Variants in POLE2 observed in about 807,000 individuals in gnomAD.
POLE2 encodes the protein DNA polymerase epsilon 2, accessory subunit, also known as DNA polymerase epsilon subunit 2.
Under a neutral mutation model 79.4 loss-of-function variants are expected in POLE2, and 56 were observed. That is an observed-to-expected ratio of 0.71 (90% CI 0.57 to 0.88). The LOEUF is 0.88. POLE2 is among the 40% of genes least tolerant of loss of function. The pLI, the probability that POLE2 is intolerant of heterozygous loss-of-function variation, is 0.00. For synonymous variants in POLE2, 212 were observed against 214.0 expected (o/e 0.99, Z 0.08); for missense variants, 598 against 638.9 (o/e 0.94, Z 0.69).
In POLE2 at chr14:49,651,275, A is replaced by C; in HGVS notation, c.1314T>G (p.Pro438=). 1.3e-6 allele frequency: 2 copies of C among 1,529,344 alleles called. No homozygotes were observed. Among genetic ancestry groups the C allele is most frequent in the Non-Finnish European group, 1.8e-6 (2 of 1,105,800 alleles). The allele number at this position is 1,529,344 out of a possible 1,614,324, so 94.7% of individuals were successfully genotyped here. A position where few individuals can be genotyped will look rare whatever the true frequency, so the allele number is the denominator to read the frequency against. The change falls in exon 16 of 19, where the codon CCT becomes CCG. Residue 438 remains proline, a synonymous_variant. Coordinates refer to ENST00000216367, the MANE Select transcript of POLE2 (RefSeq NM_002692.4). ...VRFPSSNLAI[P]NHFVKTILSQ... is the part of the protein sequence containing the mutation. ...AAAAAGTTGTTTCACTTACGTGATT[A>C]GGAATAGCCAAATTGCTGCTAGGAA...
intron 10 of POLE2, among the ~76,000 whole-genome samples, chr14:49,661,493 T>G (rs1029957559): frequency 6.6e-6 from 1 of 152,160 alleles, no homozygotes; most frequent in East Asian, 1.9e-4. Context: ...CAGAAACACC[T>G]ATTAAGCTAA....
intron 10 of POLE2, among the ~76,000 whole-genome samples, chr14:49,661,551 TA>T (rs936804234): frequency 3.2e-4 from 48 of 151,998 alleles, no homozygotes; most frequent in East Asian, 1.5e-3. Context: ...ATCTTCCGTT[TA>T]AAAAAAAATT....
intron 5 of POLE2, 97 bp from the exon 6 acceptor site, chr14:49,669,695 A>T: frequency 3.0e-6 from 2 of 668,632 alleles, no homozygotes; most frequent in Non-Finnish European, 5.4e-6. Context: ...CCTTAAACTA[A>T]TGTCACTATT....
chr14:49,676,664 T>C (rs1886297743), intron 3 of POLE2, among the ~76,000 whole-genome samples: 2 of 152,354 alleles, frequency 1.3e-5, no homozygotes, highest in South Asian at 4.1e-4. Context: ...CACTGCGCAC[T>C]GAGGCCAGGG....
intron 9 of POLE2, among the ~76,000 whole-genome samples, 173 bp from the exon 10 acceptor site, chr14:49,663,560 A>C (rs1469505059): frequency 6.6e-6 from 1 of 152,238 alleles, no homozygotes; most frequent in African/African-American, 2.4e-5. Context: ...AGAGAGTCTC[A>C]ACTTATAAAA....
At chr14:49,650,958 C>T (rs1472918391) in intron 16 of POLE2, among the ~76,000 whole-genome samples, 2 of 151,992 alleles carry the variant, frequency 1.3e-5, no homozygotes, top group East Asian at 1.9e-4. Context: ...TAAATAAGAA[C>T]AGTTTATTAA....
Position 49,655,057 on chromosome 14 carries a change from A to G in POLE2, c.966T>C (p.Cys322=), listed in dbSNP as rs1666337620. 2 of 1,576,980 alleles carry G rather than the reference A, an allele frequency of 1.3e-6. No individual in the cohort carries two copies. The highest frequency in any genetic ancestry group is 1.7e-6 in the Non-Finnish European group (2 of 1,160,258). Residue 322 remains cysteine, a synonymous_variant, in exon 12 of 19, where the codon TGT becomes TGC. Transcript: ENST00000216367. ...SPAPPTCFIL[C]GNFSSAPYGK... ...CATATGGTGCAGATGAAAAATTACC[A>G]CACAGAATAAAGCAGGTTGGAGGTG... is the stretch of plus-strand genomic sequence containing the variant.
At chr14:49,667,103 G>T (rs1032810339) in intron 6 of POLE2, among the ~76,000 whole-genome samples, 5 of 151,950 alleles carry the variant, frequency 3.3e-5, no homozygotes, top group Non-Finnish European at 7.4e-5. Context: ...CAGGAGAATG[G>T]TGTGAACCCG....
At chr14:49,653,103 G>A (rs1156628665) in intron 15 of POLE2, among the ~76,000 whole-genome samples, 5 of 152,218 alleles carry the variant, frequency 3.3e-5, no homozygotes, top group Admixed American at 2.0e-4. Flanking sequence ...CTACAGAAGA[G>A]GTTAGGGACA....
At chr14:49,648,443 G>A (rs1312419713) in intron 17 of POLE2, among the ~76,000 whole-genome samples, 1 of 152,144 alleles carries the variant, frequency 6.6e-6, no homozygotes, top group Non-Finnish European at 1.5e-5. Flanking sequence ...GCATTAACTA[G>A]GAGAATGCCC....
At chr14:49,687,055 G>A (rs1024672494) in intron 1 of POLE2, among the ~76,000 whole-genome samples, 2 of 151,978 alleles carry the variant, frequency 1.3e-5, no homozygotes, top group South Asian at 2.1e-4. Flanking sequence ...AGGCCACGGC[G>A]CGAGGACTAC....
chr14:49,649,395 C>T (rs1392850573), intron 17 of POLE2, among the ~76,000 whole-genome samples: 2 of 151,262 alleles, frequency 1.3e-5, no homozygotes, highest in Non-Finnish European at 2.9e-5. Context: ...ATCTGCCCGC[C>T]TTGGCCTCCC....
rs748469183 is a variant in POLE2 at position 49,650,445 on chromosome 14, C to A, written c.1321-4G>T. Reference sequence around the variant, plus strand: ...GGGATAAGATAGTCTTTACAAACTACAAAAGAGCACAAAACAAAGCAAACT... The same window carrying A: ...GGGATAAGATAGTCTTTACAAACTAAAAAAGAGCACAAAACAAAGCAAACT... On this transcript the variant is annotated splice_polypyrimidine_tract_variant and splice_region_variant and intron_variant, in intron 16 of 18. Transcript: ENST00000216367. The A allele has an allele frequency of 7.0e-7, 1 of 1,419,144 alleles. No homozygotes were observed. The highest frequency in any genetic ancestry group is 9.3e-7 in the Non-Finnish European group (1 of 1,074,048). 87.9% of individuals were successfully genotyped at this position (1,419,144 alleles called of 1,614,324 possible). A position where few individuals can be genotyped will look rare whatever the true frequency, so the allele number is the denominator to read the frequency against.
chr14:49,652,076 G>A (rs1376123785), intron 15 of POLE2, among the ~76,000 whole-genome samples: 1 of 151,966 alleles, frequency 6.6e-6, no homozygotes, highest in East Asian at 1.9e-4. Flanking sequence ...TTTTTCCAAT[G>A]AGGGTCCCTT....
Position 49,654,835 on chromosome 14 carries a change from G to T in POLE2, c.1022C>A (p.Ser341Tyr). Reference protein sequence around the residue: ...GKNQVQALKDSLKTLADIICE... With the variant: ...GKNQVQALKDYLKTLADIICE... ...TATTATATCTGCCAAAGTTTTTAGG[G>T]AATCTAAAATTTTAAAAAGGTATTG... The change falls in exon 13 of 19, where the codon TCC becomes TAC. Residue 341 changes from serine to tyrosine, a missense_variant. Coordinates refer to ENST00000216367, the MANE Select transcript of POLE2 (RefSeq NM_002692.4). The T allele has an allele frequency of 6.7e-7, 1 of 1,481,690 alleles. No individual in the cohort carries two copies. Among genetic ancestry groups the T allele is most frequent in the South Asian group, 1.4e-5 (1 of 69,078 alleles). 91.8% of individuals were successfully genotyped at this position (1,481,690 alleles called of 1,614,324 possible).
At chr14:49,676,639 G>A (rs1009214479) in intron 3 of POLE2, among the ~76,000 whole-genome samples, 3 of 152,232 alleles carry the variant, frequency 2.0e-5, no homozygotes, top group Non-Finnish European at 4.4e-5. Context: ...AGGAGTACGG[G>A]CTGGCCGACC....
At chr14:49,678,381 A>C (rs1008325410) in intron 3 of POLE2, among the ~76,000 whole-genome samples, 1 of 152,030 alleles carries the variant, frequency 6.6e-6, no homozygotes, top group Non-Finnish European at 1.5e-5. Flanking sequence ...AGGGGTTGGG[A>C]AAAGGAAAAC....
intron 10 of POLE2, among the ~76,000 whole-genome samples, chr14:49,657,817 C>T (rs1342611472): frequency 6.6e-6 from 1 of 152,178 alleles, no homozygotes; most frequent in Non-Finnish European, 1.5e-5. Context: ...TGAACCATTG[C>T]TCCTTGGGAA....
At chr14:49,676,236 A>G (rs1886267104) in intron 3 of POLE2, among the ~76,000 whole-genome samples, 1 of 152,256 alleles carries the variant, frequency 6.6e-6, no homozygotes, top group East Asian at 1.9e-4. Flanking sequence ...AAAAGAAGTT[A>G]AAAATTTCCA....
Sources: allele counts gnomAD v4.1 joint callset (sites outside exome capture counted in the v4.1 genomes callset), GRCh38; gene constraint gnomAD v4.1.1; transcripts MANE v1.5; gene names NCBI Gene and HGNC (gene_info 2026-07-23, HGNC 2026-07-21).